PCDHGA9: variants seen among roughly 807,000 people sequenced by gnomAD.
PCDHGA9 encodes protocadherin gamma subfamily A, 9, also known as protocadherin gamma-A9.
In PCDHGA9, 37 loss-of-function variants were observed where a neutral mutation model predicts 62.5. The observed-to-expected ratio is 0.59, with a 90% confidence interval of 0.46 to 0.78. The LOEUF is 0.78. PCDHGA9 is among the 30% of genes least tolerant of loss of function. The probability of loss-of-function intolerance (pLI) is 0.00; values close to 1 mark genes in which losing one functional copy is unlikely to be tolerated. For missense variants in PCDHGA9, 1,138 were observed against 1,166.2 expected (o/e 0.98, Z 0.35); for synonymous variants, 459 against 484.6 (o/e 0.95, Z 0.69).
chr5:141,427,704 G>A (rs2097059746), intron 1 of PCDHGA9: 1 of 966,116 alleles, frequency 1.0e-6, no homozygotes, highest in Non-Finnish European at 1.6e-6. Flanking sequence ...ACAAGTCAGC[G>A]CCTCTGACCT....
rs951185891 is a variant in PCDHGA9, at chr5:141,494,814, C to T, written c.2432C>T (p.Pro811Leu). 7 of 1,614,152 alleles carry T rather than the reference C, an allele frequency of 4.3e-6. No individual in the cohort carries two copies. The highest frequency in any genetic ancestry group is 1.7e-5 in the Admixed American group (1 of 60,024). Residue 811 changes from proline to leucine, a missense_variant, in exon 2 of 4, where the codon CCG becomes CTG. By Grantham distance (98) the Pro-to-Leu change is moderately conservative (BLOSUM62 -3). Transcript: ENST00000573521. The part of the protein sequence containing the change: ...IEDTPLVPQA[P>L]PNTDWRFSQA... ...CCTCTGTTTTCTCCACAGCAAGCCCCGCCCAACACGGACTGGCGTTTCTCT... is the reference window on the plus strand; with the variant it reads ...CCTCTGTTTTCTCCACAGCAAGCCCTGCCCAACACGGACTGGCGTTTCTCT...
intron 1 of PCDHGA9, chr5:141,421,778 G>C (rs756566609): frequency 6.2e-7 from 1 of 1,613,844 alleles, no homozygotes; most frequent in Non-Finnish European, 8.5e-7. Context: ...TTGCAACTGC[G>C]GGGCAGAACG....
rs919375073 is a variant in PCDHGA9 at position 141,490,642 on chromosome 5, C to A, written c.2425-4165C>A. On this transcript the variant is annotated intron_variant, in intron 1 of 3. Coordinates refer to ENST00000573521, the MANE Select transcript of PCDHGA9 (RefSeq NM_018921.3). This position sits in a 1 kb window ranked among gnomAD's most constrained non-coding sequence, Gnocchi z 5.4. ...CACTGCTTACATCCTAGAAAACCGG[C>A]CTCCGGGCTCCCTTCTTTGCACTGT... 4.3e-6 allele frequency: 7 copies of A among 1,614,102 alleles called. No individual in the cohort carries two copies. In the African/African-American group the frequency reaches 6.7e-5, roughly 15 times the overall value.
intron 1 of PCDHGA9, chr5:141,423,381 G>T (rs2154550114): frequency 6.2e-7 from 1 of 1,614,204 alleles, no homozygotes; most frequent in East Asian, 2.2e-5. Flanking sequence ...TCAGGCTGTG[G>T]CGCTGGCATA....
At chr5:141,428,727 A>G (rs1348450181) in intron 1 of PCDHGA9, 1 of 160,588 alleles carries the variant, frequency 6.2e-6, no homozygotes, top group Non-Finnish European at 1.4e-5. Context: ...AAAATCTTAA[A>G]CATATTATAT....
Position 141,489,091 on chromosome 5 carries a change from T to A in PCDHGA9, c.2425-5716T>A. 1.9e-4 allele frequency: 63 copies of A among 332,802 alleles called. No individual in the cohort carries two copies. Among genetic ancestry groups the A allele is most frequent in the East Asian group, 2.9e-4 (6 of 20,542 alleles). The allele number at this position is 332,802 out of a possible 1,614,324, so 20.6% of individuals were successfully genotyped here. A position where few individuals can be genotyped will look rare whatever the true frequency, so the allele number is the denominator to read the frequency against. ...CTGCCCACCCCCGCCACTCGGTGAC[T>A]AAGAACTGCTGCAAGCAGGCAAACC... On this transcript the variant is annotated intron_variant, in intron 1 of 3. Transcript: ENST00000573521. This position sits in a 1 kb window ranked among gnomAD's most constrained non-coding sequence, Gnocchi z 4.5.
intron 1 of PCDHGA9, among the ~76,000 whole-genome samples, chr5:141,454,268 G>A (rs2098785692): frequency 6.6e-6 from 1 of 152,126 alleles, no homozygotes; most frequent in African/African-American, 2.4e-5. Context: ...AGTAATGCCA[G>A]CAAAAACTTC....
In PCDHGA9 at chr5:141,486,649, C is replaced by G; in HGVS notation, c.2425-8158C>G. On this transcript the variant is annotated intron_variant, in intron 1 of 3. Transcript: ENST00000573521. This position sits in a 1 kb window ranked among gnomAD's most constrained non-coding sequence, Gnocchi z 5.0. The stretch of plus-strand genomic sequence containing the variant: ...CTGGCTTGAATGCGCTTATCTCCTA[C>G]TCACTCCTGGAGCCCAGGAATCGAG... The G allele has an allele frequency of 6.2e-7, 1 of 1,613,952 alleles. No individual in the cohort carries two copies. The highest frequency in any genetic ancestry group is 8.5e-7 in the Non-Finnish European group (1 of 1,180,034).
In PCDHGA9 at chr5:141,490,081, T is replaced by A; in HGVS notation, c.2425-4726T>A. Reference sequence around the variant, plus strand: ...CACCAACGGCCAACTAGACTATTCTTTTGGAGACCACACATCTGAGGCAGT... The same window carrying A: ...CACCAACGGCCAACTAGACTATTCTATTGGAGACCACACATCTGAGGCAGT... On this transcript the variant is annotated intron_variant, in intron 1 of 3. Coordinates refer to ENST00000573521, the MANE Select transcript of PCDHGA9 (RefSeq NM_018921.3). The surrounding 1 kb of genome is among the most constrained non-coding windows in gnomAD (Gnocchi z 5.4). 3 of 1,614,216 alleles carry A rather than the reference T, an allele frequency of 1.9e-6. No homozygotes were observed. Among genetic ancestry groups the A allele is most frequent in the Non-Finnish European group, 2.5e-6 (3 of 1,180,040 alleles).
chr5:141,511,391 C>G lies in PCDHGA9; in HGVS notation c.*218C>G. ...TGCAAAAGCAGTTCCGCTGGGAACC[C>G]CCATCCAATCAACTGCTGTACCCAT... is the stretch of plus-strand genomic sequence containing the variant. On this transcript the variant is annotated 3_prime_UTR_variant, in exon 4 of 4. Coordinates refer to ENST00000573521, the MANE Select transcript of PCDHGA9 (RefSeq NM_018921.3). 2.8e-6 allele frequency: 3 copies of G among 1,079,748 alleles called. No homozygotes were observed. The highest frequency in any genetic ancestry group is 3.3e-5 in the South Asian group (2 of 60,136). The allele number at this position is 1,079,748 out of a possible 1,614,324, so 66.9% of individuals were successfully genotyped here. A position where few individuals can be genotyped will look rare whatever the true frequency, so the allele number is the denominator to read the frequency against.
At chr5:141,428,044 C>A in intron 1 of PCDHGA9, 1 of 1,608,790 alleles carries the variant, frequency 6.2e-7, no homozygotes, top group Non-Finnish European at 8.5e-7. Context: ...TACCTGGTGA[C>A]CAAGGTGGTG....
intron 3 of PCDHGA9, among the ~76,000 whole-genome samples, chr5:141,509,880 T>C (rs1475661741): frequency 6.6e-6 from 1 of 152,184 alleles, no homozygotes; most frequent in African/African-American, 2.4e-5. Flanking sequence ...CTGGTGGTGA[T>C]GGTGACTGAC....
At chr5:141,413,406 G>A (rs2095636376) in intron 1 of PCDHGA9, 1 of 1,613,950 alleles carries the variant, frequency 6.2e-7, no homozygotes, top group Non-Finnish European at 8.5e-7. Context: ...GTAGGACGCA[G>A]CTTTTCTCTC....
In PCDHGA9 at chr5:141,452,847, T is replaced by G. The variant is rs575815407; in HGVS notation, c.2425-41960T>G. Among the ~76,000 whole-genome samples, 42 of 152,304 alleles carry G rather than the reference T, an allele frequency of 2.8e-4. 1 individual carries two copies. Among genetic ancestry groups the G allele is most frequent in the Admixed American group, 2.5e-3 (38 of 15,302 alleles). ...AAATCACTTGGTCCAGCCCACACTC[T>G]GGGGAGATGATTTTCTAACTCCATT... On this transcript the variant is annotated intron_variant, in intron 1 of 3. Coordinates refer to ENST00000573521, the MANE Select transcript of PCDHGA9 (RefSeq NM_018921.3).
chr5:141,511,237 T>C lies in PCDHGA9; in HGVS notation c.*64T>C, dbSNP rs886816274. 1.9e-6 allele frequency: 3 copies of C among 1,590,378 alleles called. No homozygotes were observed. The South Asian group carries it at 3.4e-5, about 18-fold the overall frequency. ...CCAACCAGCCCAGCTTCTCCTTACC[T>C]GCACCCAGGCCTCAGAGTTTCAGGG... On this transcript the variant is annotated 3_prime_UTR_variant, in exon 4 of 4. Coordinates refer to ENST00000573521, the MANE Select transcript of PCDHGA9 (RefSeq NM_018921.3).
Position 141,432,804 on chromosome 5 carries a change from C to T in PCDHGA9, c.2424+27428C>T, listed in dbSNP as rs1482036720. The T allele has an allele frequency of 1.2e-6, 2 of 1,614,182 alleles. No individual in the cohort carries two copies. Among genetic ancestry groups the T allele is most frequent in the Non-Finnish European group, 1.7e-6 (2 of 1,180,008 alleles). ...GACCTCGGCAGCCTCGAGTCTCCAG[C>T]TAACTCTGAAACCTCAGACCTCACT... is the stretch of plus-strand genomic sequence containing the variant. On this transcript the variant is annotated intron_variant, in intron 1 of 3. Transcript: ENST00000573521. This position sits in a 1 kb window ranked among gnomAD's most constrained non-coding sequence, Gnocchi z 6.0.
At position 141,491,201 on chromosome 5, in the gene PCDHGA9, C is replaced by T. The variant is rs752813291; in HGVS notation, c.2425-3606C>T. The T allele has an allele frequency of 3.7e-6, 6 of 1,614,226 alleles. No homozygotes were observed. The Admixed American group carries it at 5.0e-5, about 13-fold the overall frequency. On this transcript the variant is annotated intron_variant, in intron 1 of 3. Transcript: ENST00000573521. This position sits in a 1 kb window ranked among gnomAD's most constrained non-coding sequence, Gnocchi z 6.9. ...GTCCTGGTGAGGGACAATGGTGACCCTTCACTCTCCTCCACAGCCACAGTG... is the reference window on the plus strand; with the variant it reads ...GTCCTGGTGAGGGACAATGGTGACCTTTCACTCTCCTCCACAGCCACAGTG...
intron 1 of PCDHGA9, chr5:141,410,718 TA>T: frequency 7.1e-7 from 1 of 1,402,688 alleles, no homozygotes; most frequent in Non-Finnish European, 9.6e-7. Context: ...ATCATATGTT[TA>T]AAATCCATAG....
chr5:141,472,980 C>CAAAAAAAAAAAAAAAAAAAAAAA (rs60579131), intron 1 of PCDHGA9, among the ~76,000 whole-genome samples: 6 of 86,066 alleles, frequency 7.0e-5, no homozygotes, highest in Non-Finnish European at 1.0e-4. Context: ...GAGTGAAACT[C>CAAAAAAAAAAAAAAAAAAAAAAA]AAAAAAAAAA....
Sources: allele counts gnomAD v4.1 joint callset (sites outside exome capture counted in the v4.1 genomes callset), GRCh38; gene constraint gnomAD v4.1.1; non-coding constraint Gnocchi (gnomAD v3.1); transcripts MANE v1.5; gene names NCBI Gene and HGNC (gene_info 2026-07-23, HGNC 2026-07-21).